The following GRIN3A variants were observed in gnomAD, a reference collection of about 807,000 sequenced individuals.
The protein encoded by GRIN3A is glutamate ionotropic receptor NMDA type subunit 3A, also known as glutamate receptor ionotropic, NMDA 3A.
In GRIN3A, 47 loss-of-function variants were observed where a neutral mutation model predicts 92.4. That is an observed-to-expected ratio of 0.51 (90% CI 0.40 to 0.65). GRIN3A has a LOEUF of 0.65. GRIN3A is among the 30% of genes least tolerant of loss of function. The pLI, the probability that GRIN3A is intolerant of heterozygous loss-of-function variation, is 0.00. For synonymous variants in GRIN3A, 527 were observed against 540.6 expected, an observed-to-expected ratio of 0.97 and a Z score of 0.35; for missense variants, 1,324 against 1,393.1, an observed-to-expected ratio of 0.95 and a Z score of 0.79.
intron 6 of GRIN3A, among the ~76,000 whole-genome samples, chr9:101,611,063 A>G (rs1469262710): frequency 1.3e-5 from 2 of 150,080 alleles, no homozygotes; most frequent in Non-Finnish European, 3.0e-5. Flanking sequence ...ATGCCACTGC[A>G]CTCCAGCCTG....
intron 8 of GRIN3A, among the ~76,000 whole-genome samples, chr9:101,576,658 A>G (rs545363008): frequency 1.4e-4 from 22 of 152,294 alleles, no homozygotes; most frequent in African/African-American, 5.3e-4. Flanking sequence ...AATAGAAAAA[A>G]TAGATGTAAC....
chr9:101,602,197 C>T (rs529574937), intron 6 of GRIN3A, among the ~76,000 whole-genome samples: 15 of 152,322 alleles, frequency 9.8e-5, no homozygotes, highest in African/African-American at 3.4e-4. Flanking sequence ...ACTCCCACAG[C>T]CGCATGGGGA....
intron 2 of GRIN3A, 63 bp from the exon 3 acceptor site, chr9:101,671,170 G>T: frequency 2.7e-6 from 3 of 1,093,604 alleles, no homozygotes; most frequent in Non-Finnish European, 4.3e-6. Context: ...AGGAAGCAGT[G>T]TTCAGCTTTG....
At chr9:101,736,273 C>A (rs2119051087) in intron 1 of GRIN3A, among the ~76,000 whole-genome samples, 1 of 152,268 alleles carries the variant, frequency 6.6e-6, no homozygotes, top group East Asian at 1.9e-4. Flanking sequence ...TGCCAATTAC[C>A]TATTTGCTTC....
chr9:101,592,787 A>C (rs1292560469), intron 6 of GRIN3A: 6 of 151,004 alleles, frequency 4.0e-5, no homozygotes, highest in African/African-American at 1.5e-4. Flanking sequence ...GGTCAAGACC[A>C]GTTGCCAGCT....
chr9:101,689,421 G>A (rs534623262), intron 1 of GRIN3A, among the ~76,000 whole-genome samples: 28 of 152,246 alleles, frequency 1.8e-4, no homozygotes, highest in African/African-American at 5.5e-4. Context: ...TGAGCATTTA[G>A]TATTAGACAG....
rs539027416 is a variant in GRIN3A, at chr9:101,664,596, AT to A, written c.2352+5463del. 3.3e-5 allele frequency among the ~76,000 whole-genome samples: 5 copies of A among 151,870 alleles called. No individual in the cohort carries two copies. The South Asian group carries it at 1.0e-3, about 32-fold the overall frequency. On this transcript the variant is annotated intron_variant, in intron 3 of 8. Coordinates refer to ENST00000361820, the MANE Select transcript of GRIN3A (RefSeq NM_133445.3). Reference sequence around the variant, plus strand: ...TGCAAGAGCAGCCAGGTACAAGATTATTTTTTTCTTCTGACCCCCTATCAGG... The same window carrying A: ...TGCAAGAGCAGCCAGGTACAAGATTATTTTTTCTTCTGACCCCCTATCAGG...
intron 4 of GRIN3A, among the ~76,000 whole-genome samples, chr9:101,625,788 C>G (rs922675470): frequency 6.6e-6 from 1 of 152,140 alleles, no homozygotes; most frequent in Non-Finnish European, 1.5e-5. Context: ...AATCAAAGTT[C>G]GACTGCCACA....
chr9:101,639,638 G>C (rs1036740573), intron 3 of GRIN3A, among the ~76,000 whole-genome samples: 1 of 152,172 alleles, frequency 6.6e-6, no homozygotes, highest in African/African-American at 2.4e-5. Context: ...TAAGCCTTTT[G>C]GCACAGCTAC....
At chr9:101,633,204 C>T (rs1277324707) in intron 3 of GRIN3A, among the ~76,000 whole-genome samples, 1 of 152,196 alleles carries the variant, frequency 6.6e-6, no homozygotes, top group Non-Finnish European at 1.5e-5. Context: ...TGAGTATACT[C>T]ATTTAAGGTC....
At chr9:101,594,473 A>C in intron 6 of GRIN3A, 1 of 1,614,178 alleles carries the variant, frequency 6.2e-7, no homozygotes, top group Non-Finnish European at 8.5e-7. Flanking sequence ...GAATTCCTCA[A>C]AGGATATCTT....
chr9:101,729,165 G>T (rs1830111088), intron 1 of GRIN3A, among the ~76,000 whole-genome samples: 1 of 152,138 alleles, frequency 6.6e-6, no homozygotes, highest in Admixed American at 6.5e-5. Flanking sequence ...CCAAGGATAA[G>T]GTGGGCCAGA....
intron 3 of GRIN3A, among the ~76,000 whole-genome samples, chr9:101,647,830 A>G (rs536297481): frequency 1.3e-4 from 20 of 151,902 alleles, no homozygotes; most frequent in African/African-American, 4.8e-4. Context: ...ATCAGTTACA[A>G]TGTCTCCTTT....
At chr9:101,714,006 A>T (rs7849944) in intron 1 of GRIN3A, among the ~76,000 whole-genome samples, 18,062 of 152,260 alleles carry the variant, frequency 0.12, 2,151 homozygotes, top group African/African-American at 0.31. Context: ...CAGTCTGTGC[A>T]ACAGAGTAAG....
intron 6 of GRIN3A, among the ~76,000 whole-genome samples, chr9:101,591,178 C>T (rs1479127042): frequency 6.6e-6 from 1 of 152,102 alleles, no homozygotes; most frequent in East Asian, 1.9e-4. Context: ...CAAGATGAGC[C>T]AAAGGTGGAA....
intron 6 of GRIN3A, among the ~76,000 whole-genome samples, chr9:101,607,001 C>T (rs1478236971): frequency 7.6e-6 from 1 of 130,922 alleles, no homozygotes; most frequent in African/African-American, 3.0e-5. Flanking sequence ...AATGAGTTCA[C>T]TGTGGGCAGA....
At chr9:101,636,028 A>G (rs1000026283) in intron 3 of GRIN3A, among the ~76,000 whole-genome samples, 19 of 152,274 alleles carry the variant, frequency 1.2e-4, no homozygotes, top group African/African-American at 4.6e-4. Context: ...GGCATGCACT[A>G]CCATGCCCAG....
rs1827761317 is a variant in GRIN3A, at chr9:101,571,615, ATG to A, written c.*1557_*1558del. 1.3e-5 allele frequency: 2 copies of A among 152,254 alleles called. No individual in the cohort carries two copies. Among genetic ancestry groups the A allele is most frequent in the African/African-American group, 2.4e-5 (1 of 41,444 alleles). 9.4% of individuals were successfully genotyped at this position (152,254 alleles called of 1,614,324 possible). A position where few individuals can be genotyped will look rare whatever the true frequency, so the allele number is the denominator to read the frequency against. ...GAGGATGTTGAAGGAGAGTCAGCAGATGTGTGCTAAAATTATTAAAAAGCAAA... is the reference window on the plus strand; with the variant it reads ...GAGGATGTTGAAGGAGAGTCAGCAGATGTGCTAAAATTATTAAAAAGCAAA... On this transcript the variant is annotated 3_prime_UTR_variant, in exon 9 of 9. Coordinates refer to ENST00000361820, the MANE Select transcript of GRIN3A (RefSeq NM_133445.3).
chr9:101,594,202 C>CTCTT, intron 6 of GRIN3A: 2 of 558,990 alleles, frequency 3.6e-6, no homozygotes, highest in Non-Finnish European at 5.9e-6. Context: ...ATTTGACTTG[C>CTCTT]TCTTCCCCCT....
Sources: gnomAD v4.1 joint callset for allele counts (sites outside exome capture counted in the v4.1 genomes callset) on GRCh38, gnomAD v4.1.1 for gene constraint, MANE v1.5 for transcripts, NCBI Gene and HGNC (gene_info 2026-07-23, HGNC 2026-07-21) for gene names.